The following DHX40 variants were observed in gnomAD, a reference collection of about 807,000 sequenced individuals.
The protein encoded by DHX40 is DEAH-box helicase 40, also known as probable ATP-dependent RNA helicase DHX40.
Under a neutral mutation model 89.6 loss-of-function variants are expected in DHX40, and 28 were observed. That is an observed-to-expected ratio of 0.31 (90% CI 0.23 to 0.43). The LOEUF (loss-of-function observed/expected upper bound fraction) is 0.43, where lower values mean the gene tolerates loss of function less well. Ranked by LOEUF, DHX40 falls within the 20% of genes least tolerant of loss-of-function variation. DHX40 has a pLI of 1.00. For missense variants in DHX40, 457 were observed against 844.0 expected, an observed-to-expected ratio of 0.54 and a Z score of 5.68; for synonymous variants, 226 against 283.6, an observed-to-expected ratio of 0.80 and a Z score of 2.04.
chr17:59,605,968 A>C (rs976078592), intron 17 of DHX40, among the ~76,000 whole-genome samples: 12 of 142,562 alleles, frequency 8.4e-5, no homozygotes, highest in African/African-American at 2.6e-4. Context: ...CACTATCTCT[A>C]AAAAAAAAAA....
chr17:59,591,705 C>T (rs1304541503), intron 12 of DHX40, among the ~76,000 whole-genome samples: 2 of 151,646 alleles, frequency 1.3e-5, no homozygotes, highest in African/African-American at 4.8e-5. Flanking sequence ...ATTACTCTGT[C>T]TCCCTCTATA....
At chr17:59,573,398 TAGCTC>T (rs1297491815) in intron 4 of DHX40, among the ~76,000 whole-genome samples, 163 bp downstream of exon 4, 1 of 152,148 alleles carries the variant, frequency 6.6e-6, no homozygotes, top group African/African-American at 2.4e-5. Context: ...GGCACGATCA[TAGCTC>T]ACTGCACCCT....
chr17:59,605,674 G>A lies in DHX40; in HGVS notation c.2200G>A (p.Asp734Asn), dbSNP rs1213388102. 6.2e-7 allele frequency: 1 copy of A among 1,605,808 alleles called. No individual in the cohort carries two copies. Among genetic ancestry groups the A allele is most frequent in the Non-Finnish European group, 8.5e-7 (1 of 1,176,850 alleles). The change falls in exon 17 of 18, where the codon GAT becomes AAT. Residue 734 changes from aspartate to asparagine, a missense_variant and splice_region_variant. By Grantham distance (23) the Asp-to-Asn change is conservative. Coordinates refer to ENST00000251241, the MANE Select transcript of DHX40 (RefSeq NM_024612.5). ...TAAGGAAAATGTAAAGCAGCTAAAG[G>A]GTGAGTAAATCATTTGTTCTACTCT... is the stretch of plus-strand genomic sequence containing the variant. ...TNKENVKQLK[D>N]GISKDVLKKM...
intron 14 of DHX40, among the ~76,000 whole-genome samples, chr17:59,600,267 C>T (rs1417527647): frequency 2.0e-5 from 3 of 151,540 alleles, no homozygotes; most frequent in Non-Finnish European, 4.4e-5. Context: ...TGAGTTTAAG[C>T]AAAATGATAT....
intron 14 of DHX40, among the ~76,000 whole-genome samples, chr17:59,601,082 T>C (rs1292671091): frequency 1.3e-5 from 2 of 148,756 alleles, no homozygotes; most frequent in Admixed American, 1.4e-4. Context: ...AGTGTGGGGA[T>C]CACTTGAGCC....
chr17:59,597,443 G>A (rs1420353387), intron 12 of DHX40, among the ~76,000 whole-genome samples: 2 of 142,088 alleles, frequency 1.4e-5, no homozygotes, highest in East Asian at 4.2e-4. Flanking sequence ...AATGTTCGTA[G>A]TAGGTCAGTT....
At chr17:59,604,957 G>A in intron 15 of DHX40, 158 bp from the exon 16 acceptor site, 1 of 635,004 alleles carries the variant, frequency 1.6e-6, no homozygotes, top group South Asian at 1.9e-5. Flanking sequence ...AGATGAATTG[G>A]TAGAGAGCTT....
At chr17:59,606,812 C>A (rs961973221) in intron 17 of DHX40, among the ~76,000 whole-genome samples, 2 of 151,814 alleles carry the variant, frequency 1.3e-5, no homozygotes, top group Non-Finnish European at 2.9e-5. Context: ...AATAACACTG[C>A]CACATGCTTG....
At chr17:59,577,947 G>A (rs2523380) in intron 8 of DHX40, among the ~76,000 whole-genome samples, 17 of 152,200 alleles carry the variant, frequency 1.1e-4, no homozygotes, top group South Asian at 4.1e-4. Context: ...TGTATATCCA[G>A]TGTTTATCTG....
At chr17:59,580,937 C>G (rs1389682683) in intron 10 of DHX40, among the ~76,000 whole-genome samples, 3 of 150,768 alleles carry the variant, frequency 2.0e-5, no homozygotes, top group East Asian at 3.9e-4. Flanking sequence ...TAAAAATTAG[C>G]TGAGCTTGGT....
intron 12 of DHX40, among the ~76,000 whole-genome samples, chr17:59,594,539 C>G (rs559619264): frequency 6.6e-6 from 1 of 151,464 alleles, no homozygotes; most frequent in Non-Finnish European, 1.5e-5. Flanking sequence ...CTGTGGCTCA[C>G]TTTGCATCTT....
chr17:59,598,503 A>G (rs1466105526), intron 12 of DHX40, among the ~76,000 whole-genome samples: 2 of 152,114 alleles, frequency 1.3e-5, no homozygotes, highest in African/African-American at 4.8e-5. Flanking sequence ...TTAAAAGGCA[A>G]ATAGATTGGG....
intron 10 of DHX40, among the ~76,000 whole-genome samples, chr17:59,585,506 TA>T (rs1433764897): frequency 6.6e-6 from 1 of 151,320 alleles, no homozygotes; most frequent in Non-Finnish European, 1.5e-5. Flanking sequence ...GCGGATTGCT[TA>T]AGCACAGGAG....
intron 3 of DHX40, 77 bp from the exon 4 acceptor site, chr17:59,573,039 A>G: frequency 2.0e-6 from 3 of 1,495,094 alleles, no homozygotes; most frequent in South Asian, 2.6e-5. Flanking sequence ...TGATCACTTA[A>G]TGTTTGTACC....
At chr17:59,587,780 A>C (rs2049020168) in intron 11 of DHX40, 116 bp from the exon 12 acceptor site, 2 of 1,398,216 alleles carry the variant, frequency 1.4e-6, no homozygotes, top group Non-Finnish European at 2.0e-6. Context: ...ATTGAATTGA[A>C]CTTCTGGAGG....
Position 59,605,619 on chromosome 17 carries a change from G to A in DHX40, c.2145G>A (p.Val715=), listed in dbSNP as rs1462088173. ...HDLSSVARRE[V]REDARRRWTN... ...TGAGCAGTGTGGCCCGACGTGAAGT[G>A]AGAGAAGATGCAAGAAGGAGATGGA... The change falls in exon 17 of 18, where the codon GTG becomes GTA. Residue 715 remains valine, a synonymous_variant. Coordinates refer to ENST00000251241, the MANE Select transcript of DHX40 (RefSeq NM_024612.5). 6.2e-7 allele frequency: 1 copy of A among 1,614,070 alleles called. No homozygotes were observed. Among genetic ancestry groups the A allele is most frequent in the Non-Finnish European group, 8.5e-7 (1 of 1,180,000 alleles).
At chr17:59,605,305 C>G in intron 16 of DHX40, 121 bp downstream of exon 16, 1 of 1,221,420 alleles carries the variant, frequency 8.2e-7, no homozygotes, top group South Asian at 1.3e-5. Context: ...TTACATAGAT[C>G]TATAAGGGTA....
chr17:59,598,380 G>C (rs1477528121), intron 12 of DHX40, among the ~76,000 whole-genome samples: 1 of 151,768 alleles, frequency 6.6e-6, no homozygotes, highest in Non-Finnish European at 1.5e-5. Context: ...GTGTGACTGG[G>C]GAACATTGAA....
chr17:59,583,692 A>T (rs921251494), intron 10 of DHX40, among the ~76,000 whole-genome samples: 1 of 126,392 alleles, frequency 7.9e-6, no homozygotes, highest in East Asian at 2.4e-4. Context: ...CATCCTGGCT[A>T]ACACAGTGAA....
Sources: allele counts gnomAD v4.1 joint callset (sites outside exome capture counted in the v4.1 genomes callset), GRCh38; gene constraint gnomAD v4.1.1; transcripts MANE v1.5; gene names NCBI Gene and HGNC (gene_info 2026-07-23, HGNC 2026-07-21).